Variants in CHMP3 observed in about 807,000 individuals in gnomAD.
CHMP3 encodes the protein charged multivesicular body protein 3.
Under a neutral mutation model 27.4 loss-of-function variants are expected in CHMP3, and 8 were observed. The observed-to-expected ratio is 0.29, with a 90% CI of 0.17 to 0.53. CHMP3 has a LOEUF of 0.53. Among genes scored for constraint, CHMP3 ranks in the 20% least tolerant of loss-of-function variants. The probability of loss-of-function intolerance (pLI) is 0.96; values close to 1 mark genes in which losing one functional copy is unlikely to be tolerated. For missense variants in CHMP3, 208 were observed against 271.5 expected (o/e 0.77, Z 1.64); for synonymous variants, 86 against 85.5 (o/e 1.01, Z -0.03).
chr2:86,545,362 C>T lies in CHMP3; in HGVS notation c.46-3050G>A, dbSNP rs547824183. Reference sequence around the variant, plus strand: ...CGGACGAAGGGCGGCCGGGCAGAGGCGCTCCTCACCTCCCGGACGGGGTGG... The same window carrying T: ...CGGACGAAGGGCGGCCGGGCAGAGGTGCTCCTCACCTCCCGGACGGGGTGG... On this transcript the variant is annotated intron_variant, in intron 1 of 5. Coordinates refer to ENST00000263856, the MANE Select transcript of CHMP3 (RefSeq NM_016079.4). Among the ~76,000 whole-genome samples, 5 of 129,956 alleles carry T rather than the reference C, an allele frequency of 3.8e-5. No homozygotes were observed. The South Asian group carries it at 1.1e-3, about 29-fold the overall frequency. The allele number at this position is 129,956 out of a possible 152,430, so 85.3% of individuals were successfully genotyped here. A position where few individuals can be genotyped will look rare whatever the true frequency, so the allele number is the denominator to read the frequency against.
intron 3 of CHMP3, among the ~76,000 whole-genome samples, chr2:86,524,296 C>T (rs1675619492): frequency 6.6e-6 from 1 of 152,208 alleles, no homozygotes; most frequent in East Asian, 1.9e-4. Context: ...AAGGATACAA[C>T]ACTTTTCTTT....
rs368949967 is a variant in CHMP3, at chr2:86,545,674, C to A, written c.46-3362G>T. On this transcript the variant is annotated intron_variant, in intron 1 of 5. Coordinates refer to ENST00000263856, the MANE Select transcript of CHMP3 (RefSeq NM_016079.4). Reference sequence around the variant, plus strand: ...CCCAGACGGGGTGGCCGGGCAGAGGCACTCCTCAGTTCCCAGATAGGGCGG... The same window carrying A: ...CCCAGACGGGGTGGCCGGGCAGAGGAACTCCTCAGTTCCCAGATAGGGCGG... Among the ~76,000 whole-genome samples, 218 of 147,950 alleles carry A rather than the reference C, an allele frequency of 1.5e-3. 1 individual carries two copies. In the South Asian group the frequency reaches 0.022, roughly 15 times the overall value.
At chr2:86,563,171 G>T in intron 1 of CHMP3, 133 bp downstream of exon 1, 5 of 1,073,902 alleles carry the variant, frequency 4.7e-6, no homozygotes, top group South Asian at 4.5e-5. Flanking sequence ...CCCCCCTGTC[G>T]AGTGGGAGTC....
intron 3 of CHMP3, among the ~76,000 whole-genome samples, chr2:86,517,254 G>A (rs1221827364): frequency 2.0e-5 from 3 of 152,092 alleles, no homozygotes; most frequent in African/African-American, 7.2e-5. Flanking sequence ...AACTAACGCT[G>A]GAAGCAAAAT....
chr2:86,507,973 G>T (rs3821013), intron 4 of CHMP3, among the ~76,000 whole-genome samples: 1 of 152,266 alleles, frequency 6.6e-6, no homozygotes, highest in African/African-American at 2.4e-5. Context: ...GTGAACGCAG[G>T]GGTTGGAATA....
intron 3 of CHMP3, among the ~76,000 whole-genome samples, chr2:86,521,844 C>T (rs947609932): frequency 2.6e-5 from 4 of 152,146 alleles, no homozygotes; most frequent in Non-Finnish European, 5.9e-5. Context: ...TCAATGGACA[C>T]TTGGGTTGCT....
intron 2 of CHMP3, among the ~76,000 whole-genome samples, chr2:86,534,890 AAATAT>A (rs1039581895): frequency 6.6e-6 from 1 of 152,148 alleles, no homozygotes; most frequent in African/African-American, 2.4e-5. Flanking sequence ...ATATGTTTTT[AAATAT>A]AATATTATGT....
intron 1 of CHMP3, among the ~76,000 whole-genome samples, chr2:86,561,358 AAT>A (rs1451554545): frequency 2.0e-5 from 3 of 152,140 alleles, no homozygotes; most frequent in Admixed American, 2.0e-4. Flanking sequence ...TGCCTGGTTC[AAT>A]ATGTTAGCTA....
chr2:86,524,123 G>A (rs1410269460), intron 3 of CHMP3, among the ~76,000 whole-genome samples: 1 of 152,104 alleles, frequency 6.6e-6, no homozygotes. Flanking sequence ...ATGGAACATG[G>A]GAAAGGTAAG....
At chr2:86,545,610 T>C (rs1307760941) in intron 1 of CHMP3, among the ~76,000 whole-genome samples, 2 of 100,616 alleles carry the variant, frequency 2.0e-5, no homozygotes, top group East Asian at 3.5e-4. Flanking sequence ...CGCTCCTCAC[T>C]TCTCAGATGG....
At chr2:86,517,424 G>A (rs1490050101) in intron 3 of CHMP3, among the ~76,000 whole-genome samples, 1 of 152,000 alleles carries the variant, frequency 6.6e-6, no homozygotes, top group African/African-American at 2.4e-5. Context: ...AAATTAGCTG[G>A]GTGTGGTGGC....
chr2:86,563,111 A>T, intron 1 of CHMP3, 193 bp downstream of exon 1: 1 of 599,068 alleles, frequency 1.7e-6, no homozygotes, highest in Non-Finnish European at 3.0e-6. Flanking sequence ...GAGCCATGGC[A>T]CCAGGAGCTC....
chr2:86,554,750 T>C (rs375351572), intron 1 of CHMP3, among the ~76,000 whole-genome samples: 202 of 152,138 alleles, frequency 1.3e-3, no homozygotes, highest in African/African-American at 4.7e-3. Flanking sequence ...AGAATGTTCA[T>C]TGGATTGTTG....
chr2:86,544,251 A>C (rs112806481), intron 1 of CHMP3, among the ~76,000 whole-genome samples: 33 of 151,788 alleles, frequency 2.2e-4, no homozygotes, highest in African/African-American at 7.7e-4. Context: ...TTTCTACCAC[A>C]TCTCACCAAT....
chr2:86,521,653 G>T (rs759700145), intron 3 of CHMP3, among the ~76,000 whole-genome samples: 1 of 152,084 alleles, frequency 6.6e-6, no homozygotes, highest in African/African-American at 2.4e-5. Context: ...AGAATTCAAG[G>T]TACATCATAT....
rs139320001 is a variant in CHMP3 at position 86,529,368 on chromosome 2, G to C, written c.136C>G (p.Arg46Gly). 2 of 1,600,694 alleles carry C rather than the reference G, an allele frequency of 1.2e-6. No individual in the cohort carries two copies. The highest frequency in any genetic ancestry group is 2.3e-5 in the East Asian group (1 of 44,424). ...DIQREEEKVKRSVKDAAKKGQ... is the reference protein window; with the variant it reads ...DIQREEEKVKGSVKDAAKKGQ... ...TTCTTGGCAGCATCTTTCACAGATC[G>C]TTTCACTTTTTCTTCTTCTCTTTGG... is the stretch of plus-strand genomic sequence containing the variant. The change falls in exon 3 of 6, where the codon CGA becomes GGA. Residue 46 changes from arginine (R) to glycine (G), a missense_variant. Transcript: ENST00000263856.
chr2:86,555,969 T>C (rs2104047402), intron 1 of CHMP3, among the ~76,000 whole-genome samples: 1 of 152,338 alleles, frequency 6.6e-6, no homozygotes, highest in East Asian at 1.9e-4. Context: ...ACAATGGATA[T>C]GTTATCCTCT....
intron 3 of CHMP3, among the ~76,000 whole-genome samples, chr2:86,517,848 G>A (rs1675377844): frequency 6.6e-6 from 1 of 152,052 alleles, no homozygotes; most frequent in Non-Finnish European, 1.5e-5. Context: ...GGGCAACATG[G>A]TGAAACCCCA....
intron 2 of CHMP3, among the ~76,000 whole-genome samples, chr2:86,539,560 G>A (rs1032405329): frequency 1.3e-5 from 2 of 152,118 alleles, no homozygotes; most frequent in African/African-American, 4.8e-5. Context: ...CTATGGATGT[G>A]AGAAGAATTA....
Sources: gnomAD v4.1 joint callset for allele counts (sites outside exome capture counted in the v4.1 genomes callset) on GRCh38, gnomAD v4.1.1 for gene constraint, MANE v1.5 for transcripts, NCBI Gene and HGNC (gene_info 2026-07-23, HGNC 2026-07-21) for gene names.